The following PRL variants were observed in gnomAD, a reference collection of about 807,000 sequenced individuals.
PRL encodes the protein prolactin, also known as decidual prolactin.
Under a neutral mutation model 21.3 loss-of-function variants are expected in PRL, and 24 were observed. That is an observed-to-expected ratio of 1.13 (90% CI 0.82 to 1.59). The LOEUF (loss-of-function observed/expected upper bound fraction) is 1.59, where lower values mean the gene tolerates loss of function less well. Among genes scored for constraint, PRL ranks in the 40% most tolerant of loss-of-function variants. PRL has a pLI of 0.00. For synonymous variants in PRL, 118 were observed against 115.7 expected (o/e 1.02, Z -0.13); for missense variants, 243 against 286.9 (o/e 0.85, Z 1.10).
chr6:22,292,698 A>G, intron 2 of PRL, 53 bp from the exon 3 acceptor site: 2 of 1,447,326 alleles, frequency 1.4e-6, no homozygotes, highest in Non-Finnish European at 1.9e-6. Context: ...GCATTGAATA[A>G]ATGAATCCAT....
At chr6:22,289,176 A>G (rs1007878534) in intron 4 of PRL, among the ~76,000 whole-genome samples, 2 of 152,206 alleles carry the variant, frequency 1.3e-5, no homozygotes, top group Admixed American at 6.5e-5. Flanking sequence ...TGGAAAATCA[A>G]GGTATTTATT....
Position 22,288,941 on chromosome 6 carries a change from T to TGTGTGCGTGCGC in PRL, c.492+1221_492+1232dup, listed in dbSNP as rs1322252563. On this transcript the variant is annotated intron_variant, in intron 4 of 4. Transcript: ENST00000306482. This position sits in a 1 kb window ranked among gnomAD's most constrained non-coding sequence, Gnocchi z 4.5. ...GTGCGTGCGCGTGTGTGTGCATGTG[T>TGTGTGCGTGCGC]GTGTGCGTGCGCGTGTGTGTGCGTG... is the stretch of plus-strand genomic sequence containing the variant. 6.6e-6 allele frequency among the ~76,000 whole-genome samples: 1 copy of TGTGTGCGTGCGC among 152,020 alleles called. No homozygotes were observed. The highest frequency in any genetic ancestry group is 2.4e-5 in the African/African-American group (1 of 41,398).
At position 22,291,303 on chromosome 6, in the gene PRL, G is replaced by A. The variant is rs571696678; in HGVS notation, c.313-950C>T. ...GGGAGCATTGCAACACAACGATTAA[G>A]AGTAAGGGTTTTGAATAGAATGAAG... On this transcript the variant is annotated intron_variant, in intron 3 of 4. Transcript: ENST00000306482. Among the ~76,000 whole-genome samples the A allele has an allele frequency of 1.2e-4, 19 of 152,298 alleles. No homozygotes were observed. The South Asian group carries it at 3.7e-3, about 30-fold the overall frequency.
upstream of PRL, chr6:22,297,184 T>C: frequency 3.4e-6 from 2 of 596,170 alleles, no homozygotes; most frequent in Non-Finnish European, 2.9e-6. Context: ...GTATTTTATT[T>C]CTTATTCATA....
chr6:22,290,949 A>G (rs1761038066), intron 3 of PRL: 1 of 152,314 alleles, frequency 6.6e-6, no homozygotes, highest in African/African-American at 2.4e-5. Context: ...CGCCTGCCCC[A>G]TGCTGCTGGC....
At chr6:22,301,337 G>C (rs1761278463), upstream of PRL, among the ~76,000 whole-genome samples, 1 of 152,162 alleles carries the variant, frequency 6.6e-6, no homozygotes, top group South Asian at 2.1e-4. Context: ...AATTAGCACA[G>C]GCACCATCAA....
intron 1 of PRL, among the ~76,000 whole-genome samples, chr6:22,296,738 C>T (rs1029783736): frequency 6.6e-6 from 1 of 152,192 alleles, no homozygotes; most frequent in Non-Finnish European, 1.5e-5. Context: ...CAAAACATCT[C>T]CCGACATTGC....
chr6:22,297,056 A>T, upstream of PRL: 2 of 1,513,182 alleles, frequency 1.3e-6, no homozygotes, highest in Admixed American at 1.7e-5. Context: ...TTTCCCAGAT[A>T]TTGGCTTTAT....
intron 1 of PRL, among the ~76,000 whole-genome samples, chr6:22,295,002 T>C (rs963567234): frequency 2.3e-4 from 35 of 152,302 alleles, no homozygotes; most frequent in African/African-American, 8.2e-4. Flanking sequence ...ATAATTTACA[T>C]TGTAGACACT....
intron 1 of PRL, 97 bp from the exon 2 acceptor site, chr6:22,294,681 C>A (rs931984726): frequency 3.8e-6 from 5 of 1,316,094 alleles, no homozygotes; most frequent in Non-Finnish European, 4.1e-6. Flanking sequence ...CTCCCCACTG[C>A]CCTCAGCTGC....
Position 22,287,595 on chromosome 6 carries a change from TAATCAC to T in PRL, c.493-8_493-3del. ...ATTTTCTTTGGTTTCAGGATGAACC[TAATCAC>T]ACAAAAAAAGAGTGACTTATTCTTC... On this transcript the variant is annotated splice_polypyrimidine_tract_variant and splice_region_variant and intron_variant, in intron 4 of 4. Coordinates refer to ENST00000306482, the MANE Select transcript of PRL (RefSeq NM_000948.6). The T allele has an allele frequency of 6.3e-7, 1 of 1,583,976 alleles. No homozygotes were observed. The highest frequency in any genetic ancestry group is 8.6e-7 in the Non-Finnish European group (1 of 1,161,742).
chr6:22,299,343 G>T (rs192728992), upstream of PRL, among the ~76,000 whole-genome samples: 4 of 152,160 alleles, frequency 2.6e-5, no homozygotes, highest in South Asian at 6.2e-4. Flanking sequence ...TGATGCTAAA[G>T]TTCCCATGCT....
At chr6:22,295,684 A>G (rs1761159866) in intron 1 of PRL, among the ~76,000 whole-genome samples, 1 of 152,306 alleles carries the variant, frequency 6.6e-6, no homozygotes, top group Middle Eastern at 3.4e-3. Flanking sequence ...ATACTTTCAA[A>G]AGGAAAGAAA....
At chr6:22,295,385 A>G (rs1432581873) in intron 1 of PRL, among the ~76,000 whole-genome samples, 2 of 152,156 alleles carry the variant, frequency 1.3e-5, no homozygotes, top group African/African-American at 4.8e-5. Context: ...GTCTTGTCAC[A>G]TCGCGTACAC....
intron 3 of PRL, among the ~76,000 whole-genome samples, chr6:22,291,718 A>G (rs1277321971): frequency 6.6e-6 from 1 of 152,192 alleles, no homozygotes; most frequent in Non-Finnish European, 1.5e-5. Flanking sequence ...TGAACATAGC[A>G]GACAGAAATG....
At chr6:22,289,770 C>T (rs1335406981) in intron 4 of PRL, among the ~76,000 whole-genome samples, 2 of 152,136 alleles carry the variant, frequency 1.3e-5, no homozygotes, top group Admixed American at 1.3e-4. Context: ...TGGTTTTCTT[C>T]TTTCTCCCTT....
chr6:22,292,348 A>G (rs1213227444), intron 3 of PRL, among the ~76,000 whole-genome samples, 190 bp downstream of exon 3: 1 of 152,200 alleles, frequency 6.6e-6, no homozygotes, highest in Admixed American at 6.5e-5. Context: ...GATTGCTGCC[A>G]CCATCTTTAC....
chr6:22,287,889 T>G (rs1453184360), intron 4 of PRL, among the ~76,000 whole-genome samples: 1 of 152,184 alleles, frequency 6.6e-6, no homozygotes, highest in Non-Finnish European at 1.5e-5. Context: ...GACATAGATT[T>G]GACGAAGAGA....
At chr6:22,299,846 CA>C (rs113984409), upstream of PRL, among the ~76,000 whole-genome samples, 2 of 150,552 alleles carry the variant, frequency 1.3e-5, no homozygotes, top group South Asian at 2.1e-4. Flanking sequence ...CTCAAAAAAA[CA>C]AAAAAAAATT....
Sources: gnomAD v4.1 joint callset for allele counts (sites outside exome capture counted in the v4.1 genomes callset) on GRCh38, gnomAD v4.1.1 for gene constraint, Gnocchi (gnomAD v3.1) non-coding constraint, MANE v1.5 for transcripts, NCBI Gene and HGNC (gene_info 2026-07-23, HGNC 2026-07-21) for gene names.